The following CHMP5 variants were observed in gnomAD, a reference collection of about 807,000 sequenced individuals.
The protein encoded by CHMP5 is SNF7 domain containing 2.
Under a neutral mutation model 33.0 loss-of-function variants are expected in CHMP5, and 17 were observed. The observed-to-expected ratio is 0.52, with a 90% CI of 0.35 to 0.77. The LOEUF is 0.77. Ranked by LOEUF, CHMP5 falls within the 30% of genes least tolerant of loss-of-function variation. The pLI is 0.01. For missense variants in CHMP5, 216 were observed against 261.5 expected (o/e 0.83, Z 1.20); for synonymous variants, 76 against 90.2 (o/e 0.84, Z 0.89).
intron 7 of CHMP5, among the ~76,000 whole-genome samples, chr9:33,279,660 G>A (rs1267164091): frequency 2.0e-5 from 3 of 151,894 alleles, no homozygotes; most frequent in African/African-American, 4.8e-5. Context: ...TCAAGAGATC[G>A]AGACCATCCT....
Position 33,278,038 on chromosome 9 carries a change from G to A in CHMP5, c.497-75G>A, listed in dbSNP as rs1587800447. 1.2e-5 allele frequency: 11 copies of A among 918,230 alleles called. No homozygotes were observed. In the East Asian group the frequency reaches 2.6e-4, roughly 21 times the overall value. 56.9% of individuals were successfully genotyped at this position (918,230 alleles called of 1,614,324 possible). ...TTCACTGCCTTCTTTCAAGTCCATC[G>A]ATAAATGAGAGAAATTATTAGCTGC... On this transcript the variant is annotated intron_variant, in intron 6 of 7. Coordinates refer to ENST00000223500, the MANE Select transcript of CHMP5 (RefSeq NM_016410.6).
chr9:33,277,882 A>G (rs191380663), intron 6 of CHMP5: 108 of 384,370 alleles, frequency 2.8e-4, no homozygotes, highest in African/African-American at 1.2e-3. Context: ...CCCATCTTCA[A>G]TTGCCCCTGA....
chr9:33,276,364 T>A lies in CHMP5; in HGVS notation c.388-92T>A. 7.3e-6 allele frequency: 5 copies of A among 682,654 alleles called. No individual in the cohort carries two copies. The South Asian group carries it at 9.2e-5, about 13-fold the overall frequency. The allele number at this position is 682,654 out of a possible 1,614,324, so 42.3% of individuals were successfully genotyped here. ...TATACATTATCTTTTTAAAAATTGC[T>A]CATGTCTAGATTCAAAGGAGAATGT... On this transcript the variant is annotated intron_variant, in intron 5 of 7. Coordinates refer to ENST00000223500, the MANE Select transcript of CHMP5 (RefSeq NM_016410.6).
chr9:33,279,889 TC>T (rs1407878237), intron 7 of CHMP5, among the ~76,000 whole-genome samples: 1 of 137,670 alleles, frequency 7.3e-6, no homozygotes, highest in Non-Finnish European at 1.6e-5. Flanking sequence ...AAAAAAAAAG[TC>T]CCTGAAGCAT....
At chr9:33,265,206 AC>A (rs2118000058) in intron 1 of CHMP5, 59 bp downstream of exon 1, 3 of 1,190,308 alleles carry the variant, frequency 2.5e-6, no homozygotes, top group East Asian at 9.8e-5. Flanking sequence ...GACCCCGCCC[AC>A]CCCCAGCCCC....
chr9:33,265,794 T>C (rs916797084), intron 1 of CHMP5, among the ~76,000 whole-genome samples: 1 of 152,212 alleles, frequency 6.6e-6, no homozygotes, highest in African/African-American at 2.4e-5. Flanking sequence ...GAAGGCTACC[T>C]GGTATATCAG....
chr9:33,270,273 A>AT (rs1407270834), intron 3 of CHMP5, among the ~76,000 whole-genome samples: 1 of 152,212 alleles, frequency 6.6e-6, no homozygotes, highest in African/African-American at 2.4e-5. Flanking sequence ...AGGCTATATC[A>AT]TATAGCTTAG....
chr9:33,276,281 T>C (rs1008986878), intron 5 of CHMP5, among the ~76,000 whole-genome samples, 175 bp from the exon 6 acceptor site: 12 of 152,304 alleles, frequency 7.9e-5, no homozygotes, highest in African/African-American at 2.9e-4. Context: ...AGCCAAAGAC[T>C]GGGATAGGGG....
chr9:33,266,693 T>C (rs1484016243), intron 2 of CHMP5, among the ~76,000 whole-genome samples: 1 of 152,086 alleles, frequency 6.6e-6, no homozygotes, highest in African/African-American at 2.4e-5. Flanking sequence ...ACTGAGAAGG[T>C]GGTAATCTGG....
intron 5 of CHMP5, among the ~76,000 whole-genome samples, chr9:33,276,193 A>G (rs190209991): frequency 1.0e-3 from 155 of 152,310 alleles, no homozygotes; most frequent in Non-Finnish European, 1.8e-3. Context: ...ACTTTTAATT[A>G]GAAGGGATGT....
Position 33,281,432 on chromosome 9 carries a change from G to C in CHMP5, c.*573G>C, listed in dbSNP as rs925451955. 1 of 152,606 alleles carries C rather than the reference G, an allele frequency of 6.6e-6. No homozygotes were observed. The highest frequency in any genetic ancestry group is 2.4e-5 in the African/African-American group (1 of 41,500). 9.5% of individuals were successfully genotyped at this position (152,606 alleles called of 1,614,324 possible). On this transcript the variant is annotated 3_prime_UTR_variant, in exon 8 of 8. Transcript: ENST00000223500. Reference sequence around the variant, plus strand: ...TATGGTTCCCTCAGTATTACATCTTGACTTGTAATCAATTATGAATATTTC... The same window carrying C: ...TATGGTTCCCTCAGTATTACATCTTCACTTGTAATCAATTATGAATATTTC...
Position 33,265,129 on chromosome 9 carries a change from G to T in CHMP5, c.51G>T (p.Leu17=), listed in dbSNP as rs755396459. ...AACCCAAGGCTCCGCCGCCCAGCCT[G>T]ACTGACTGCATTGGCACGGTGGGCA... The part of the protein sequence containing the change: ...KAKPKAPPPS[L]TDCIGTVDSR... Residue 17 remains leucine, a synonymous_variant, in exon 1 of 8, where the codon CTG becomes CTT. Transcript: ENST00000223500. The T allele has an allele frequency of 1.9e-6, 3 of 1,614,156 alleles. No homozygotes were observed. The East Asian group carries it at 6.7e-5, about 36-fold the overall frequency.
chr9:33,274,667 G>A (rs1820832036), intron 5 of CHMP5, among the ~76,000 whole-genome samples: 3 of 152,220 alleles, frequency 2.0e-5, no homozygotes, highest in Admixed American at 2.0e-4. Context: ...CCAGGCTAGA[G>A]TGCGGTGGCG....
chr9:33,279,278 T>C (rs1377125181), intron 7 of CHMP5, among the ~76,000 whole-genome samples: 6 of 152,146 alleles, frequency 3.9e-5, no homozygotes, highest in Non-Finnish European at 8.8e-5. Context: ...TTATGTCTTC[T>C]TTTTGAACCT....
chr9:33,272,799 C>CA (rs1010817894), intron 5 of CHMP5, among the ~76,000 whole-genome samples: 2 of 149,012 alleles, frequency 1.3e-5, no homozygotes, highest in African/African-American at 2.5e-5. Flanking sequence ...GACTCCGTCT[C>CA]AAAAAAAAAT....
At position 33,281,676 on chromosome 9, in the gene CHMP5, C is replaced by G. The variant is rs1820923641; in HGVS notation, c.*817C>G. On this transcript the variant is annotated 3_prime_UTR_variant, in exon 8 of 8. Transcript: ENST00000223500. Reference sequence around the variant, plus strand: ...AACAATCTGGGCTTGGGCCCTGGGTCTACCATTTACTAACTACTGAGTAGT... The same window carrying G: ...AACAATCTGGGCTTGGGCCCTGGGTGTACCATTTACTAACTACTGAGTAGT... 6.6e-6 allele frequency: 1 copy of G among 152,216 alleles called. No homozygotes were observed. Among genetic ancestry groups the G allele is most frequent in the African/African-American group, 2.4e-5 (1 of 41,458 alleles). The allele number at this position is 152,216 out of a possible 1,614,324, so 9.4% of individuals were successfully genotyped here.
chr9:33,265,755 C>T (rs1442382815), intron 1 of CHMP5, among the ~76,000 whole-genome samples: 2 of 152,184 alleles, frequency 1.3e-5, no homozygotes, highest in African/African-American at 4.8e-5. Context: ...CTCAGTGATT[C>T]TCAAATTATT....
chr9:33,279,581 C>T (rs759723892), intron 7 of CHMP5, among the ~76,000 whole-genome samples: 3 of 152,032 alleles, frequency 2.0e-5, no homozygotes, highest in Admixed American at 1.3e-4. Flanking sequence ...GTCCCTGTAG[C>T]GGCCAGGCGC....
intron 6 of CHMP5, 34 bp downstream of exon 6, chr9:33,276,598 T>A (rs1820858045): frequency 8.0e-7 from 1 of 1,246,334 alleles, no homozygotes; most frequent in Non-Finnish European, 1.2e-6. Context: ...ATATTTAGTT[T>A]TGGAGTCCAA....
Sources: gnomAD v4.1 joint callset for allele counts (sites outside exome capture counted in the v4.1 genomes callset) on GRCh38, gnomAD v4.1.1 for gene constraint, MANE v1.5 for transcripts, NCBI Gene and HGNC (gene_info 2026-07-23, HGNC 2026-07-21) for gene names.